CNTN4: variants seen among roughly 807,000 people sequenced by gnomAD.
CNTN4 encodes the protein contactin 4, also known as contactin-4.
A neutral mutation model predicts 122.5 loss-of-function variants in CNTN4; 77 were observed. The ratio of observed to expected loss-of-function variants is 0.63; its 90% CI spans 0.52 to 0.76. The LOEUF is 0.76. Ranked by LOEUF, CNTN4 falls within the 30% of genes least tolerant of loss-of-function variation. CNTN4 has a pLI of 0.00. For synonymous variants in CNTN4, 512 were observed against 447.0 expected (o/e 1.15, Z -1.83); for missense variants, 1,256 against 1,259.1 (o/e 1.00, Z 0.04).
At chr3:2,778,480 TCA>T (rs1336880356) in intron 6 of CNTN4, among the ~76,000 whole-genome samples, 1 of 152,110 alleles carries the variant, frequency 6.6e-6, no homozygotes, top group African/African-American at 2.4e-5. Flanking sequence ...CACTCAAATT[TCA>T]CTACTGTTTT....
chr3:2,688,836 A>G (rs568749982), intron 4 of CNTN4, among the ~76,000 whole-genome samples: 1 of 152,320 alleles, frequency 6.6e-6, no homozygotes, highest in South Asian at 2.1e-4. Flanking sequence ...TGAGCTAAAC[A>G]TTTCTGTGGC....
intron 21 of CNTN4, 75 bp downstream of exon 21, chr3:3,042,497 A>G: frequency 2.1e-6 from 2 of 950,626 alleles, no homozygotes; most frequent in Non-Finnish European, 3.4e-6. Context: ...TCACATTCTT[A>G]TAGGAAGAGA....
intron 3 of CNTN4, among the ~76,000 whole-genome samples, chr3:2,408,091 T>G (rs1191013417): frequency 6.6e-6 from 1 of 152,252 alleles, no homozygotes; most frequent in Non-Finnish European, 1.5e-5. Flanking sequence ...TGTTGCTTTG[T>G]TTTTATTCTG....
At chr3:2,483,505 CA>C (rs775067415) in intron 3 of CNTN4, among the ~76,000 whole-genome samples, 9 of 152,082 alleles carry the variant, frequency 5.9e-5, no homozygotes, top group South Asian at 2.1e-4. Flanking sequence ...TGGGAGGGGT[CA>C]GGGGCAGAAT....
intron 3 of CNTN4, among the ~76,000 whole-genome samples, chr3:2,544,981 C>G (rs1293736284): frequency 6.6e-6 from 1 of 151,922 alleles, no homozygotes; most frequent in Non-Finnish European, 1.5e-5. Flanking sequence ...AATTTGAGAT[C>G]TTTCTGAATT....
chr3:2,527,765 A>T (rs951833394), intron 3 of CNTN4, among the ~76,000 whole-genome samples: 1 of 152,068 alleles, frequency 6.6e-6, no homozygotes, highest in African/African-American at 2.4e-5. Flanking sequence ...TTGCCCCTAG[A>T]TGTCTTTCAG....
chr3:2,202,560 T>A (rs776886678), intron 2 of CNTN4, among the ~76,000 whole-genome samples: 1 of 152,196 alleles, frequency 6.6e-6, no homozygotes, highest in Non-Finnish European at 1.5e-5. Context: ...CTCAAGGTGA[T>A]GGATTCTTTT....
intron 3 of CNTN4, among the ~76,000 whole-genome samples, chr3:2,487,125 A>G (rs1013852765): frequency 2.0e-5 from 3 of 152,184 alleles, no homozygotes; most frequent in Non-Finnish European, 4.4e-5. Flanking sequence ...GAACACTGCT[A>G]AACATAATTA....
In CNTN4 at chr3:2,863,087, A is replaced by G. The variant is rs559675866; in HGVS notation, c.455-3665A>G. 5.3e-5 allele frequency among the ~76,000 whole-genome samples: 8 copies of G among 152,292 alleles called. No homozygotes were observed. The South Asian group carries it at 1.2e-3, about 24-fold the overall frequency. On this transcript the variant is annotated intron_variant, in intron 7 of 24. Coordinates refer to ENST00000418658, the MANE Select transcript of CNTN4 (RefSeq NM_175607.3). Reference sequence around the variant, plus strand: ...AAATAGGACAAGCGATTTGTTGGGTATGTTTTAGTTGTACTACACTTTTTG... The same window carrying G: ...AAATAGGACAAGCGATTTGTTGGGTGTGTTTTAGTTGTACTACACTTTTTG...
At chr3:2,261,106 A>G (rs1476184) in intron 2 of CNTN4, among the ~76,000 whole-genome samples, 78,546 of 152,006 alleles carry the variant, frequency 0.52, 20,523 homozygotes, top group South Asian at 0.64. Context: ...CTAAATTGCA[A>G]TTGTCAAAAT....
intron 3 of CNTN4, among the ~76,000 whole-genome samples, chr3:2,537,999 G>C (rs2077877703): frequency 6.6e-6 from 1 of 151,680 alleles, no homozygotes; most frequent in African/African-American, 2.4e-5. Context: ...TAACCCCCCT[G>C]TACACCTGAT....
chr3:2,709,985 G>T lies in CNTN4; in HGVS notation c.56-26230G>T, dbSNP rs914759340. Among the ~76,000 whole-genome samples the T allele has an allele frequency of 7.9e-5, 12 of 152,104 alleles. No homozygotes were observed. Among genetic ancestry groups the T allele is most frequent in the Admixed American group, 3.3e-4 (5 of 15,270 alleles). On this transcript the variant is annotated intron_variant, in intron 4 of 24. Transcript: ENST00000418658. This position sits in a 1 kb window ranked among gnomAD's most constrained non-coding sequence, Gnocchi z 5.0. ...ATGCTTATTGCTGAAACCCTCCTTTGTTAACATTTTAAATTGTCGCTCTAT... is the reference window on the plus strand; with the variant it reads ...ATGCTTATTGCTGAAACCCTCCTTTTTTAACATTTTAAATTGTCGCTCTAT...
At chr3:2,879,983 G>A (rs138806610) in intron 8 of CNTN4, among the ~76,000 whole-genome samples, 96 of 152,276 alleles carry the variant, frequency 6.3e-4, no homozygotes, top group African/African-American at 2.2e-3. Flanking sequence ...GGAAAGGCAG[G>A]CAGTAAGTAG....
intron 16 of CNTN4, among the ~76,000 whole-genome samples, chr3:3,032,029 C>T (rs1574873837): frequency 6.6e-6 from 1 of 152,300 alleles, no homozygotes; most frequent in East Asian, 1.9e-4. Context: ...GAGTTACCAA[C>T]TTAAACTGAT....
intron 2 of CNTN4, among the ~76,000 whole-genome samples, chr3:2,225,116 A>G (rs1167316705): frequency 6.6e-6 from 1 of 150,928 alleles, no homozygotes; most frequent in Non-Finnish European, 1.5e-5. Flanking sequence ...GCACCACTGC[A>G]CTCCAGCCTG....
chr3:3,002,584 A>C (rs1696161331), intron 14 of CNTN4, among the ~76,000 whole-genome samples: 1 of 152,172 alleles, frequency 6.6e-6, no homozygotes, highest in Non-Finnish European at 1.5e-5. Flanking sequence ...AAGAACAGTG[A>C]ACTGAGGTCC....
intron 3 of CNTN4, among the ~76,000 whole-genome samples, chr3:2,469,591 T>C (rs1399579837): frequency 6.6e-6 from 1 of 152,212 alleles, no homozygotes; most frequent in Admixed American, 6.5e-5. Context: ...CTGGGTCAAC[T>C]TAAAGCCTCA....
At chr3:3,008,144 G>A (rs1054388937) in intron 14 of CNTN4, among the ~76,000 whole-genome samples, 2 of 152,008 alleles carry the variant, frequency 1.3e-5, no homozygotes, top group Non-Finnish European at 2.9e-5. Flanking sequence ...GAGAGAAGAG[G>A]TATTAATTCT....
chr3:2,591,811 G>C (rs1047263628), intron 4 of CNTN4, among the ~76,000 whole-genome samples: 1 of 152,182 alleles, frequency 6.6e-6, no homozygotes, highest in Non-Finnish European at 1.5e-5. Context: ...TTGAATGCCA[G>C]GTGTAGTAGT....
Sources: allele counts gnomAD v4.1 joint callset (sites outside exome capture counted in the v4.1 genomes callset), GRCh38; gene constraint gnomAD v4.1.1; non-coding constraint Gnocchi (gnomAD v3.1); transcripts MANE v1.5; gene names NCBI Gene and HGNC (gene_info 2026-07-23, HGNC 2026-07-21).